Variants in SYCP2 observed in about 807,000 individuals in gnomAD.
The protein encoded by SYCP2 is synaptonemal complex lateral element protein.
Under a neutral mutation model 211.3 loss-of-function variants are expected in SYCP2, and 55 were observed. The ratio of observed to expected loss-of-function variants is 0.26; its 90% CI spans 0.21 to 0.33. The LOEUF (loss-of-function observed/expected upper bound fraction) is 0.33. Among genes scored for constraint, SYCP2 ranks in the 10% least tolerant of loss-of-function variants. The pLI is 1.00. For synonymous variants in SYCP2, 570 were observed against 555.2 expected (o/e 1.03, Z -0.37); for missense variants, 1,731 against 1,752.0 (o/e 0.99, Z 0.21).
At chr20:59,919,369 C>A in intron 6 of SYCP2, 124 bp downstream of exon 6, 1 of 761,304 alleles carries the variant, frequency 1.3e-6, no homozygotes, top group Non-Finnish European at 2.2e-6. Context: ...TCTGAACAGA[C>A]CAATCCAACC....
chr20:59,892,517 T>C, intron 23 of SYCP2, 51 bp downstream of exon 23: 1 of 1,546,872 alleles, frequency 6.5e-7, no homozygotes, highest in Non-Finnish European at 8.7e-7. Flanking sequence ...TTGTTAGACA[T>C]TTGAGGAAAT....
chr20:59,867,629 T>C, intron 39 of SYCP2, 82 bp downstream of exon 39: 1 of 1,251,016 alleles, frequency 8.0e-7, no homozygotes, highest in Non-Finnish European at 1.1e-6. Flanking sequence ...TGCCAAAGGA[T>C]CAAACAAGCC....
At chr20:59,875,497 T>C (rs778529614) in intron 33 of SYCP2, 28 bp from the exon 34 acceptor site, 2 of 1,536,386 alleles carry the variant, frequency 1.3e-6, no homozygotes, top group Non-Finnish European at 1.8e-6. Flanking sequence ...TTTCAAATTA[T>C]ACTCAAGTAC....
chr20:59,873,743 A>G (rs2059499139), intron 35 of SYCP2, 113 bp downstream of exon 35: 1 of 948,204 alleles, frequency 1.1e-6, no homozygotes, highest in Non-Finnish European at 1.5e-6. Context: ...ACCCTAGACC[A>G]AACCCAAAAC....
intron 36 of SYCP2, 73 bp downstream of exon 36, chr20:59,869,725 A>G: frequency 1.3e-6 from 1 of 784,210 alleles, no homozygotes. Context: ...TTACCACTAA[A>G]GGTCAGTAAT....
chr20:59,905,839 G>A (rs1054933649), intron 15 of SYCP2, among the ~76,000 whole-genome samples: 1 of 152,010 alleles, frequency 6.6e-6, no homozygotes, highest in South Asian at 2.1e-4. Context: ...CACTTTTATC[G>A]CTTCTATTCA....
At chr20:59,877,772 A>AT (rs1249795838) in intron 32 of SYCP2, among the ~76,000 whole-genome samples, 4 of 152,152 alleles carry the variant, frequency 2.6e-5, no homozygotes, top group African/African-American at 9.7e-5. Context: ...GAGAAGCCTG[A>AT]TATATACTAT....
intron 35 of SYCP2, among the ~76,000 whole-genome samples, chr20:59,870,765 T>C (rs969207238): frequency 7.9e-5 from 12 of 151,850 alleles, no homozygotes; most frequent in Admixed American, 1.3e-4. Flanking sequence ...AGCACAGAGA[T>C]AGATAAACAG....
At position 59,901,822 on chromosome 20, in the gene SYCP2, C is replaced by A; in HGVS notation, c.1034-12G>T. ...CTTTGATTCTCTCACTGTATAGAAA[C>A]AACACTGATTAGTTTACGTTTCTAT... On this transcript the variant is annotated splice_polypyrimidine_tract_variant and intron_variant, in intron 15 of 44. Coordinates refer to ENST00000357552, the MANE Select transcript of SYCP2 (RefSeq NM_014258.4). 1 of 1,567,424 alleles carries A rather than the reference C, an allele frequency of 6.4e-7. No individual in the cohort carries two copies. Among genetic ancestry groups the A allele is most frequent in the Non-Finnish European group, 8.6e-7 (1 of 1,159,192 alleles).
chr20:59,885,382 C>T (rs918440990), intron 26 of SYCP2, among the ~76,000 whole-genome samples: 13 of 152,030 alleles, frequency 8.6e-5, no homozygotes, highest in Non-Finnish European at 1.9e-4. Flanking sequence ...TGTAACAATC[C>T]AGAGATTAGA....
At chr20:59,921,562 CAT>C (rs1464180425) in intron 3 of SYCP2, 109 bp from the exon 4 acceptor site, 7 of 666,374 alleles carry the variant, frequency 1.1e-5, no homozygotes, top group Non-Finnish European at 1.5e-5. Flanking sequence ...CAAATGAACT[CAT>C]AAAATATTAA....
At chr20:59,865,363 C>A in intron 44 of SYCP2, 25 bp downstream of exon 44, 1 of 1,569,834 alleles carries the variant, frequency 6.4e-7, no homozygotes, top group Non-Finnish European at 8.7e-7. Context: ...TATGATTATC[C>A]CATTTTCAAA....
At chr20:59,887,713 A>G (rs951855605) in intron 24 of SYCP2, among the ~76,000 whole-genome samples, 3 of 152,066 alleles carry the variant, frequency 2.0e-5, no homozygotes, top group Admixed American at 6.6e-5. Context: ...GTTTCTGCCC[A>G]TAAGAATAAA....
chr20:59,900,828 A>C lies in SYCP2; in HGVS notation c.1183-10T>G, dbSNP rs759244049. On this transcript the variant is annotated splice_polypyrimidine_tract_variant and intron_variant, in intron 16 of 44. Coordinates refer to ENST00000357552, the MANE Select transcript of SYCP2 (RefSeq NM_014258.4). Reference sequence around the variant, plus strand: ...GTTTTCTGATAGATTCCTAAAATTAAATCAATTCACAGTGATGACATTTTC... The same window carrying C: ...GTTTTCTGATAGATTCCTAAAATTACATCAATTCACAGTGATGACATTTTC... 1.9e-6 allele frequency: 3 copies of C among 1,580,900 alleles called. No individual in the cohort carries two copies. Among genetic ancestry groups the C allele is most frequent in the Non-Finnish European group, 2.6e-6 (3 of 1,151,154 alleles).
chr20:59,914,128 T>G lies in SYCP2; in HGVS notation c.758A>C (p.Lys253Thr). ...ACTTACTGTTTCAAATTCAGAGTCCTTAATTCTTTTAAATGCCTTAGCAAT... is the reference window on the plus strand; with the variant it reads ...ACTTACTGTTTCAAATTCAGAGTCCGTAATTCTTTTAAATGCCTTAGCAAT... ...DFIAKAFKRI[K>T]DSEFETDCRI... The change falls in exon 11 of 45, where the codon AAG (lysine) becomes ACG (threonine). Residue 253 changes from lysine (K) to threonine (T), a missense_variant. Transcript: ENST00000357552. The G allele has an allele frequency of 6.2e-7, 1 of 1,603,138 alleles. No homozygotes were observed. Among genetic ancestry groups the G allele is most frequent in the Non-Finnish European group, 8.5e-7 (1 of 1,173,714 alleles).
At chr20:59,880,270 T>C (rs1272415273) in intron 31 of SYCP2, 33 bp downstream of exon 31, 1 of 1,516,616 alleles carries the variant, frequency 6.6e-7, no homozygotes, top group Non-Finnish European at 9.0e-7. Context: ...TGCAAAATCA[T>C]TTGCAACATT....
intron 31 of SYCP2, among the ~76,000 whole-genome samples, chr20:59,879,836 T>A (rs945446220): frequency 8.4e-4 from 74 of 88,160 alleles, no homozygotes; most frequent in African/African-American, 3.8e-3. Flanking sequence ...TATATATATA[T>A]ATATATATAT....
intron 26 of SYCP2, 85 bp downstream of exon 26, chr20:59,885,843 A>T: frequency 9.6e-7 from 1 of 1,039,404 alleles, no homozygotes; most frequent in Non-Finnish European, 1.4e-6. Flanking sequence ...ATCAAATTCC[A>T]TTTTACCACT....
intron 1 of SYCP2, among the ~76,000 whole-genome samples, chr20:59,932,967 G>A (rs2060795115): frequency 6.6e-6 from 1 of 151,904 alleles, no homozygotes; most frequent in East Asian, 1.9e-4. Flanking sequence ...GAGGCCGAAG[G>A]CGAAGTCCCT....
Sources: allele counts gnomAD v4.1 joint callset (sites outside exome capture counted in the v4.1 genomes callset), GRCh38; gene constraint gnomAD v4.1.1; transcripts MANE v1.5; gene names NCBI Gene and HGNC (gene_info 2026-07-23, HGNC 2026-07-21).